Variants in PIEZO1 observed in about 807,000 individuals in gnomAD.
PIEZO1 encodes piezo type mechanosensitive ion channel component 1 (Er blood group).
A neutral mutation model predicts 297.2 loss-of-function variants in PIEZO1; 296 were observed. That is an observed-to-expected ratio of 1.00 (90% CI 0.91 to 1.10). PIEZO1 has a LOEUF of 1.10. PIEZO1 is among the 50% of genes least tolerant of loss of function. The pLI, the probability that PIEZO1 is intolerant of heterozygous loss-of-function variation, is 0.00. For synonymous variants in PIEZO1, 2,427 were observed against 1,507.5 expected (o/e 1.61, Z -14.13); for missense variants, 5,018 against 3,455.5 (o/e 1.45, Z -11.34).
At position 88,725,511 on chromosome 16, in the gene PIEZO1, C is replaced by A; in HGVS notation, c.4067G>T (p.Arg1356Leu). ...GTGCTTCTCCTGCTTGGCACGGATA[C>A]GCTCCATCCTGTGGTGGGGAAAGGT... ...SLAQLKRQME[R>L]IRAKQEKHRQ... is the part of the protein sequence containing the mutation. The change falls in exon 29 of 51, where the codon CGT becomes CTT. Residue 1356 changes from arginine (R) to leucine (L), a missense_variant. Physicochemically the swap from Arg to Leu is moderately radical, Grantham distance 102. Coordinates refer to ENST00000301015, the MANE Select transcript of PIEZO1 (RefSeq NM_001142864.4). 6.5e-7 allele frequency: 1 copy of A among 1,534,062 alleles called. No individual in the cohort carries two copies. The highest frequency in any genetic ancestry group is 8.8e-7 in the Non-Finnish European group (1 of 1,137,154).
In PIEZO1 at chr16:88,737,647, C is replaced by G. The variant is rs1180950630; in HGVS notation, c.1108-1G>C. On this transcript the variant is annotated splice_acceptor_variant, in intron 9 of 50. Coordinates refer to ENST00000301015, the MANE Select transcript of PIEZO1 (RefSeq NM_001142864.4). LOFTEE classifies it high-confidence loss of function. ...TGTCGGGTGCTGTGGGCACCACGTG[C>G]TGTGGGCAAGCAGCGCTGAGCCATG... The G allele has an allele frequency of 1.3e-6, 2 of 1,534,686 alleles. No individual in the cohort carries two copies. The highest frequency in any genetic ancestry group is 1.7e-6 in the Non-Finnish European group (2 of 1,146,298).
At chr16:88,783,613 G>T (rs575893003) in intron 1 of PIEZO1, among the ~76,000 whole-genome samples, 7 of 152,306 alleles carry the variant, frequency 4.6e-5, no homozygotes, top group African/African-American at 1.7e-4. Context: ...GCACAGGAAG[G>T]AACACAGCCG....
At position 88,728,175 on chromosome 16, in the gene PIEZO1, G is replaced by A. The variant is rs527432203; in HGVS notation, c.3197-514C>T. Reference sequence around the variant, plus strand: ...GCCACCTGCTGGGAGTCCTGCTGACGTGGCGTTCTGATAGGACCACGTGCT... The same window carrying A: ...GCCACCTGCTGGGAGTCCTGCTGACATGGCGTTCTGATAGGACCACGTGCT... On this transcript the variant is annotated intron_variant, in intron 22 of 50. Transcript: ENST00000301015. Among the ~76,000 whole-genome samples the A allele has an allele frequency of 8.2e-4, 125 of 152,354 alleles. 1 individual carries two copies. The highest frequency in any genetic ancestry group is 3.0e-3 in the African/African-American group (124 of 41,588).
In PIEZO1 at chr16:88,717,172, C is replaced by T. The variant is rs370296725; in HGVS notation, c.6511G>A (p.Val2171Ile). The part of the protein sequence containing the change: ...QPKGQKKKKI[V>I]KYGMGGLIIL... ...ATGAGGCCACCCATGCCGTACTTGA[C>T]GATCTTCTTCTTCTTCTGCCCTTTG... The change falls in exon 45 of 51, where the codon GTC becomes ATC. Residue 2171 changes from valine (V) to isoleucine (I), a missense_variant. By Grantham distance (29) the Val-to-Ile change is conservative (BLOSUM62 3). Transcript: ENST00000301015. 10 of 1,550,544 alleles carry T rather than the reference C, an allele frequency of 6.4e-6. No homozygotes were observed. Among genetic ancestry groups the T allele is most frequent in the African/African-American group, 1.4e-5 (1 of 73,062 alleles).
At chr16:88,759,523 G>A (rs1014717555) in intron 1 of PIEZO1, among the ~76,000 whole-genome samples, 11 of 152,282 alleles carry the variant, frequency 7.2e-5, no homozygotes, top group African/African-American at 2.6e-4. Flanking sequence ...TAGTGCTTTC[G>A]ACGGTGGGCG....
Position 88,723,871 on chromosome 16 carries a change from C to T in PIEZO1, c.4335G>A (p.Gln1445=). 1 of 1,512,726 alleles carries T rather than the reference C, an allele frequency of 6.6e-7. No homozygotes were observed. The allele number at this position is 1,512,726 out of a possible 1,614,324, so 93.7% of individuals were successfully genotyped here. A position where few individuals can be genotyped will look rare whatever the true frequency, so the allele number is the denominator to read the frequency against. Residue 1445 remains glutamine, a splice_region_variant and synonymous_variant, in exon 31 of 51, where the codon CAG becomes CAA. Transcript: ENST00000301015. ...DPRPSAQSAF[Q]LAYQAWVTNA... is the part of the protein sequence containing the mutation. ...GGCCGACGGGGCTCTCCCACCTCACCTGGAAGGCACTCTGTGCCGACGGCC... is the reference window on the plus strand; with the variant it reads ...GGCCGACGGGGCTCTCCCACCTCACTTGGAAGGCACTCTGTGCCGACGGCC...
At position 88,720,226 on chromosome 16, in the gene PIEZO1, C is replaced by T. The variant is rs1912332137; in HGVS notation, c.6007G>A (p.Ala2003Thr). Residue 2003 changes from alanine (A) to threonine (T), a missense_variant, in exon 42 of 51, where the codon GCT (alanine) becomes ACT (threonine). Transcript: ENST00000301015. ...TGGATCAGCAGCATGACCAGGAAAG[C>T]CTCGGGTACCTGGTCGTCTGATAGG... ...SSLSDDQVPE[A>T]FLVMLLIQFS... 6.4e-7 allele frequency: 1 copy of T among 1,550,594 alleles called. No individual in the cohort carries two copies. Among genetic ancestry groups the T allele is most frequent in the Non-Finnish European group, 8.7e-7 (1 of 1,146,998 alleles).
intron 1 of PIEZO1, among the ~76,000 whole-genome samples, chr16:88,757,327 TGGGG>T (rs200851830): frequency 0.13 from 5,699 of 42,788 alleles, 800 homozygotes; most frequent in African/African-American, 0.35. Context: ...GGCGGGGGGG[TGGGG>T]GGTAGTTACC....
Position 88,733,368 on chromosome 16 carries a change from G to A in PIEZO1, c.2574C>T (p.Ser858=). 1 of 1,550,196 alleles carries A rather than the reference G, an allele frequency of 6.5e-7. No homozygotes were observed. Among genetic ancestry groups the A allele is most frequent in the Non-Finnish European group, 8.7e-7 (1 of 1,146,822 alleles). ...CGATGATGACGCAGGTCCACACGGT[G>A]GACAGGCAGGAGGCCATGGGCCGGA... is the stretch of plus-strand genomic sequence containing the variant. ...PRFRPMASCL[S]TVWTCVIIVC... is the part of the protein sequence containing the mutation. The change falls in exon 19 of 51, where the codon TCC becomes TCT. Residue 858 remains serine (S), a synonymous_variant. Coordinates refer to ENST00000301015, the MANE Select transcript of PIEZO1 (RefSeq NM_001142864.4).
chr16:88,715,918 CA>C lies in PIEZO1; in HGVS notation c.7316+14del. The C allele has an allele frequency of 6.5e-7, 1 of 1,542,298 alleles. No homozygotes were observed. The highest frequency in any genetic ancestry group is 8.8e-7 in the Non-Finnish European group (1 of 1,141,354). On this transcript the variant is annotated intron_variant, in intron 50 of 50. Transcript: ENST00000301015. ...CCCCCCGAGCTGCGGGGTGCCCCCC[CA>C]GCCACTCACTCACCCGTAGCCAGCC... is the stretch of plus-strand genomic sequence containing the variant.
At chr16:88,776,989 T>A (rs1461914323) in intron 1 of PIEZO1, among the ~76,000 whole-genome samples, 3 of 152,210 alleles carry the variant, frequency 2.0e-5, no homozygotes, top group African/African-American at 7.2e-5. Context: ...TCTTCTTTTT[T>A]GAGATGGAGT....
intron 2 of PIEZO1, among the ~76,000 whole-genome samples, chr16:88,746,333 G>A (rs567888947): frequency 1.7e-3 from 263 of 152,288 alleles, no homozygotes; most frequent in Non-Finnish European, 2.8e-3. Flanking sequence ...AGTCTTGGAG[G>A]TGGGTTTTAT....
intron 44 of PIEZO1, chr16:88,718,515 A>G (rs1912207480): frequency 6.6e-6 from 1 of 152,318 alleles, no homozygotes; most frequent in African/African-American, 2.4e-5. Flanking sequence ...CAGGAAGGCC[A>G]TACTGCCACG....
At chr16:88,738,158 A>G in intron 7 of PIEZO1, 53 bp from the exon 8 acceptor site, 1 of 1,533,276 alleles carries the variant, frequency 6.5e-7, no homozygotes. Flanking sequence ...GTGGGGCCAC[A>G]GGGGCTAGAC....
chr16:88,746,047 T>A (rs889788732), intron 2 of PIEZO1, among the ~76,000 whole-genome samples: 2 of 150,306 alleles, frequency 1.3e-5, no homozygotes, highest in African/African-American at 4.8e-5. Flanking sequence ...ATCCGTGGGG[T>A]GTGCATGGGA....
intron 12 of PIEZO1, 73 bp downstream of exon 12, chr16:88,736,075 G>A (rs1235919652): frequency 2.5e-5 from 35 of 1,406,984 alleles, no homozygotes; most frequent in Non-Finnish European, 3.2e-5. Flanking sequence ...CGGGCAAGTG[G>A]ACATTGAACA....
intron 22 of PIEZO1, among the ~76,000 whole-genome samples, chr16:88,729,664 C>G (rs1731568058): frequency 7.0e-6 from 1 of 142,314 alleles, no homozygotes; most frequent in Admixed American, 6.9e-5. Context: ...GACCCAAAAA[C>G]AAAGTGACCC....
chr16:88,725,644 CAATGCTCTTGAGGTTGGCAGCGTTGTAG>C lies in PIEZO1; in HGVS notation c.3981_4008del (p.Tyr1328ThrfsTer6). The C allele has an allele frequency of 6.5e-7, 1 of 1,549,598 alleles. No homozygotes were observed. Among genetic ancestry groups the C allele is most frequent in the East Asian group, 2.4e-5 (1 of 40,900 alleles). ...TTCTCCTCTATCCTGCGGTGAAAGT[CAATGCTCTTGAGGTTGGCAGCGTTGTAG>C]AGGGCGAAGCCCCTGTAGGGAGGCG... On this transcript the variant is annotated frameshift_variant, in exon 28 of 51. Transcript: ENST00000301015. LOFTEE classifies it high-confidence loss of function.
intron 1 of PIEZO1, among the ~76,000 whole-genome samples, chr16:88,765,233 C>A (rs1316296699): frequency 6.6e-6 from 1 of 152,212 alleles, no homozygotes; most frequent in Non-Finnish European, 1.5e-5. Flanking sequence ...ACCTCCCTCG[C>A]AGGCAGGAGG....
Sources: allele counts gnomAD v4.1 joint callset (sites outside exome capture counted in the v4.1 genomes callset), GRCh38; gene constraint gnomAD v4.1.1; transcripts MANE v1.5; gene names NCBI Gene and HGNC (gene_info 2026-07-23, HGNC 2026-07-21).